CDKN2B-AS1: variants seen among roughly 807,000 people sequenced by gnomAD.
CDKN2B-AS1 encodes the protein CDKN2B and CDKN2A antisense cis and trans regulatory RNA 1.
chr9:22,025,640 C>G (rs570231340), intron 1 of CDKN2B-AS1, among the ~76,000 whole-genome samples: 1 of 152,258 alleles, frequency 6.6e-6, no homozygotes, highest in East Asian at 1.9e-4. Context: ...TTTCCAGTAC[C>G]TGGAGGTGTC....
In CDKN2B-AS1 at chr9:22,005,113, T is replaced by TGG. The variant is rs1821101078; in HGVS notation, n.29+9953_29+9954insGG. The TGG allele has an allele frequency of 1.8e-5, 1 of 55,328 alleles. No individual in the cohort carries two copies. The highest frequency in any genetic ancestry group is 2.5e-4 in the African/African-American group (1 of 3,932). The allele number at this position is 55,328 out of a possible 1,614,324, so 3.4% of individuals were successfully genotyped here. A position where few individuals can be genotyped will look rare whatever the true frequency, so the allele number is the denominator to read the frequency against. Reference sequence around the variant, plus strand: ...ATAAGGGGATTTCCGCATCCTAGCATGTGTGTGTGTGTGTGTGTGTGTGTG... The same window carrying TGG: ...ATAAGGGGATTTCCGCATCCTAGCATGGGTGTGTGTGTGTGTGTGTGTGTGTG... On this transcript the variant is annotated intron_variant and non_coding_transcript_variant, in intron 1 of 4. Transcript: ENST00000650946. The surrounding 1 kb of genome is among the most constrained non-coding windows in gnomAD (Gnocchi z 4.9).
intron 1 of CDKN2B-AS1, among the ~76,000 whole-genome samples, chr9:22,022,536 A>C (rs1320384138): frequency 6.6e-6 from 1 of 151,994 alleles, no homozygotes; most frequent in African/African-American, 2.4e-5. Flanking sequence ...TTTTGAGCCT[A>C]TCTCATTGCA....
Position 22,036,980 on chromosome 9 carries a change from C to G in CDKN2B-AS1, n.30-9771C>G, listed in dbSNP as rs148492416. Among the ~76,000 whole-genome samples, 348 of 152,170 alleles carry G rather than the reference C, an allele frequency of 2.3e-3. 2 individuals are homozygous for G. Among genetic ancestry groups the G allele is most frequent in the African/African-American group, 8.2e-3 (340 of 41,550 alleles). On this transcript the variant is annotated intron_variant and non_coding_transcript_variant, in intron 1 of 4. Coordinates refer to ENST00000650946, the Ensembl canonical transcript of CDKN2B-AS1. Reference sequence around the variant, plus strand: ...CCCTGACATCAATGTACCAGTTTGGCTCTGTGCATTCTTTCTCCCCTTCTC... The same window carrying G: ...CCCTGACATCAATGTACCAGTTTGGGTCTGTGCATTCTTTCTCCCCTTCTC...
chr9:22,073,531 G>A (rs899353927), intron 4 of CDKN2B-AS1, among the ~76,000 whole-genome samples: 4 of 152,066 alleles, frequency 2.6e-5, no homozygotes, highest in Non-Finnish European at 5.9e-5. Flanking sequence ...AGAATATATG[G>A]GTGTAATTTT....
At chr9:22,090,909 T>C (rs1220069034) in intron 4 of CDKN2B-AS1, among the ~76,000 whole-genome samples, 3 of 152,188 alleles carry the variant, frequency 2.0e-5, no homozygotes, top group Admixed American at 2.0e-4. Context: ...CCCATGCCTA[T>C]GTCCTGAATG....
At chr9:22,032,153 TG>T in intron 1 of CDKN2B-AS1, among the ~76,000 whole-genome samples, 1 of 151,864 alleles carries the variant, frequency 6.6e-6, no homozygotes, top group East Asian at 1.9e-4. Flanking sequence ...AGGTTTTTTT[TG>T]GGGGGAGAAT....
At chr9:22,062,927 T>C (rs1397874206) in intron 4 of CDKN2B-AS1, among the ~76,000 whole-genome samples, 1 of 151,130 alleles carries the variant, frequency 6.6e-6, no homozygotes, top group African/African-American at 2.4e-5. Context: ...TAGGTGGTGA[T>C]GCCTTTGAGG....
chr9:22,076,702 T>G (rs918307069), intron 4 of CDKN2B-AS1, among the ~76,000 whole-genome samples: 3 of 152,162 alleles, frequency 2.0e-5, no homozygotes, highest in Non-Finnish European at 4.4e-5. Flanking sequence ...TTTTTAAATT[T>G]ATTTTTTTGA....
At chr9:22,015,187 T>C (rs1413933700) in intron 1 of CDKN2B-AS1, among the ~76,000 whole-genome samples, 2 of 152,170 alleles carry the variant, frequency 1.3e-5, no homozygotes, top group African/African-American at 4.8e-5. Flanking sequence ...ATCGCCACAC[T>C]GACTTCCACA....
intron 1 of CDKN2B-AS1, chr9:22,003,450 T>G: frequency 4.4e-6 from 1 of 227,632 alleles, no homozygotes; most frequent in Non-Finnish European, 8.7e-6. Context: ...GGGATAATTT[T>G]TCATGACCCA....
intron 1 of CDKN2B-AS1, chr9:22,012,603 T>C (rs1419731783): frequency 2.3e-6 from 1 of 427,550 alleles, no homozygotes; most frequent in Non-Finnish European, 4.4e-6. Context: ...CTCAATAAAG[T>C]GTCCCTTTCA....
intron 1 of CDKN2B-AS1, among the ~76,000 whole-genome samples, chr9:22,042,589 A>G (rs1302231420): frequency 2.6e-5 from 4 of 152,086 alleles, no homozygotes; most frequent in South Asian, 4.1e-4. Flanking sequence ...ACCTTGCCCC[A>G]TGGCCACCAC....
chr9:22,083,171 A>G (rs1182300595), intron 4 of CDKN2B-AS1, among the ~76,000 whole-genome samples: 2 of 152,226 alleles, frequency 1.3e-5, no homozygotes, highest in Non-Finnish European at 2.9e-5. Flanking sequence ...CATTTTTCTC[A>G]TGAGAAAATT....
intron 4 of CDKN2B-AS1, among the ~76,000 whole-genome samples, chr9:22,068,945 G>T (rs923514021): frequency 3.9e-5 from 6 of 152,130 alleles, no homozygotes; most frequent in African/African-American, 9.7e-5. Flanking sequence ...TTACCCCAGG[G>T]ACCTATGCTT....
intron 4 of CDKN2B-AS1, among the ~76,000 whole-genome samples, chr9:22,062,988 T>C (rs73650005): frequency 3.2e-3 from 98 of 30,184 alleles, no homozygotes; most frequent in African/African-American, 0.018. Context: ...CACACACACA[T>C]ATATATATAT....
chr9:22,068,032 G>C (rs1335631421), intron 4 of CDKN2B-AS1, among the ~76,000 whole-genome samples: 1 of 152,132 alleles, frequency 6.6e-6, no homozygotes, highest in Admixed American at 6.5e-5. Context: ...TTTTGGGTCT[G>C]TGTAGCCCCG....
rs1048952968 is a variant in CDKN2B-AS1 at position 22,006,308 on chromosome 9, G to T, written n.29+11147G>T. ...GGGGCAGGTATGGGAGATGCCGGCC[G>T]GGGCAAGGCAGGTGGAGCCATTTAA... On this transcript the variant is annotated intron_variant and non_coding_transcript_variant, in intron 1 of 4. Coordinates refer to ENST00000650946, the Ensembl canonical transcript of CDKN2B-AS1. This position sits in a 1 kb window ranked among gnomAD's most constrained non-coding sequence, Gnocchi z 6.4. The T allele has an allele frequency of 1.3e-6, 2 of 1,595,172 alleles. No homozygotes were observed. The highest frequency in any genetic ancestry group is 1.7e-5 in the Admixed American group (1 of 59,734).
At chr9:22,057,426 C>T (rs905838961) in intron 4 of CDKN2B-AS1, among the ~76,000 whole-genome samples, 6 of 152,062 alleles carry the variant, frequency 3.9e-5, no homozygotes, top group African/African-American at 1.4e-4. Context: ...ATATTTTAAG[C>T]CAAAGAATAA....
At chr9:22,028,594 C>T (rs1014846603) in intron 1 of CDKN2B-AS1, among the ~76,000 whole-genome samples, 5 of 152,018 alleles carry the variant, frequency 3.3e-5, no homozygotes, top group Non-Finnish European at 4.4e-5. Flanking sequence ...CTAGGCAGTG[C>T]TGGAGTGAAA....
Sources: allele counts gnomAD v4.1 joint callset (sites outside exome capture counted in the v4.1 genomes callset), GRCh38; gene constraint gnomAD v4.1.1; non-coding constraint Gnocchi (gnomAD v3.1); transcripts MANE v1.5; gene names NCBI Gene and HGNC (gene_info 2026-07-23, HGNC 2026-07-21).